Variants in BRWD1 observed in about 807,000 individuals in gnomAD.
BRWD1 encodes bromodomain and WD repeat domain containing 1, also known as bromodomain and WD repeat-containing protein 1.
BRWD1 carries 82 observed loss-of-function variants against 251.2 expected under a neutral mutation model. The observed-to-expected ratio is 0.33, with a 90% confidence interval of 0.27 to 0.39. The LOEUF (loss-of-function observed/expected upper bound fraction) is 0.39. Among genes scored for constraint, BRWD1 ranks in the 10% least tolerant of loss-of-function variants. BRWD1 has a pLI of 1.00. For missense variants in BRWD1, 2,233 were observed against 2,711.6 expected, an observed-to-expected ratio of 0.82 and a Z score of 3.92; for synonymous variants, 918 against 902.8, an observed-to-expected ratio of 1.02 and a Z score of -0.30.
intron 21 of BRWD1, among the ~76,000 whole-genome samples, chr21:39,240,557 G>A (rs965512537): frequency 3.9e-5 from 6 of 152,122 alleles, no homozygotes; most frequent in Admixed American, 6.6e-5. Flanking sequence ...ACAAAAATAC[G>A]TATACAAAAT....
upstream of BRWD1, among the ~76,000 whole-genome samples, chr21:39,316,230 A>G (rs2146833680): frequency 6.6e-6 from 1 of 152,348 alleles, no homozygotes; most frequent in African/African-American, 2.4e-5. Context: ...AGTATGTAGG[A>G]CAGTAAATCT....
intron 25 of BRWD1, 79 bp downstream of exon 25, chr21:39,232,098 G>C (rs1332042628): frequency 8.9e-7 from 1 of 1,127,192 alleles, no homozygotes; most frequent in African/African-American, 1.6e-5. Flanking sequence ...GTTTCCAACA[G>C]GTTTTTAAAT....
At chr21:39,303,515 T>A (rs2036186434) in intron 4 of BRWD1, among the ~76,000 whole-genome samples, 1 of 50,636 alleles carries the variant, frequency 2.0e-5, no homozygotes, top group Non-Finnish European at 3.5e-5. Flanking sequence ...CGAGACTCCA[T>A]CTCCAAAAAA....
Position 39,195,251 on chromosome 21 carries a change from A to C in BRWD1, c.*1008T>G. On this transcript the variant is annotated 3_prime_UTR_variant, in exon 41 of 41. Transcript: ENST00000342449. ...GACATTTAGCTATTTTCCTATATAG[A>C]TAAGATTTGCAATTGTACTCTTAAC... is the stretch of plus-strand genomic sequence containing the variant. The C allele has an allele frequency of 9.8e-7, 1 of 1,021,576 alleles. No individual in the cohort carries two copies. The highest frequency in any genetic ancestry group is 4.8e-4 in the Middle Eastern group (1 of 2,068). The allele number at this position is 1,021,576 out of a possible 1,614,324, so 63.3% of individuals were successfully genotyped here. A position where few individuals can be genotyped will look rare whatever the true frequency, so the allele number is the denominator to read the frequency against.
At chr21:39,310,073 T>TA (rs1243318874) in intron 4 of BRWD1, among the ~76,000 whole-genome samples, 1 of 152,248 alleles carries the variant, frequency 6.6e-6, no homozygotes, top group Non-Finnish European at 1.5e-5. Flanking sequence ...CATTCTCTGA[T>TA]AATCACTGAA....
chr21:39,274,529 C>T, intron 12 of BRWD1, 57 bp from the exon 13 acceptor site: 1 of 1,298,886 alleles, frequency 7.7e-7, no homozygotes, highest in Non-Finnish European at 1.1e-6. Flanking sequence ...ACAAGGGCTA[C>T]AATTAAAATC....
intron 18 of BRWD1, among the ~76,000 whole-genome samples, 182 bp from the exon 19 acceptor site, chr21:39,256,010 G>C (rs1315706824): frequency 6.6e-6 from 1 of 152,128 alleles, no homozygotes; most frequent in Non-Finnish European, 1.5e-5. Context: ...TACAGACAAG[G>C]TCTTGCTATG....
chr21:39,192,025 T>TCC lies in BRWD1; in HGVS notation c.*4232_*4233dup, dbSNP rs887899751. On this transcript the variant is annotated 3_prime_UTR_variant, in exon 41 of 41. Transcript: ENST00000342449. Reference sequence around the variant, plus strand: ...TGGTAGAATCCAAATGATGTGACTCTCCCCCTCCCTCCATCAAATCTAGAA... The same window carrying TCC: ...TGGTAGAATCCAAATGATGTGACTCTCCCCCCCTCCCTCCATCAAATCTAGAA... 56 of 984,240 alleles carry TCC rather than the reference T, an allele frequency of 5.7e-5. No individual in the cohort carries two copies. Among genetic ancestry groups the TCC allele is most frequent in the Non-Finnish European group, 3.7e-5 (31 of 828,994 alleles). 61.0% of individuals were successfully genotyped at this position (984,240 alleles called of 1,614,324 possible).
In BRWD1 at chr21:39,208,988, AAAAG is replaced by A. The variant is rs1468508602; in HGVS notation, c.4197+1003_4197+1006del. ...AAGTTTACAAAATGACAAAAAAAAA[AAAAG>A]AAAGAAAGAAACCCAACCTACTATA... is the stretch of plus-strand genomic sequence containing the variant. On this transcript the variant is annotated intron_variant, in intron 36 of 40. Transcript: ENST00000342449. Among the ~76,000 whole-genome samples the A allele has an allele frequency of 5.3e-5, 8 of 151,958 alleles. No homozygotes were observed. The South Asian group carries it at 1.0e-3, about 20-fold the overall frequency.
In BRWD1 at chr21:39,193,132, T is replaced by C. The variant is rs2031639785; in HGVS notation, c.*3127A>G. The C allele has an allele frequency of 7.1e-6, 7 of 985,146 alleles. No homozygotes were observed. The African/African-American group carries it at 1.2e-4, about 17-fold the overall frequency. The allele number at this position is 985,146 out of a possible 1,614,324, so 61.0% of individuals were successfully genotyped here. On this transcript the variant is annotated 3_prime_UTR_variant, in exon 41 of 41. Transcript: ENST00000342449. ...TTCCATTTGCCCTTCTGTTTTGAAG[T>C]GCTTTTTCTTAAAACTTAAGTTCTT...
intron 17 of BRWD1, among the ~76,000 whole-genome samples, chr21:39,262,638 C>G (rs1396167418): frequency 1.3e-5 from 2 of 151,938 alleles, no homozygotes; most frequent in Non-Finnish European, 2.9e-5. Flanking sequence ...CCACTTGAAC[C>G]CGGGTGGCGG....
At chr21:39,200,924 C>G (rs1601247871) in intron 38 of BRWD1, among the ~76,000 whole-genome samples, 1 of 147,666 alleles carries the variant, frequency 6.8e-6, no homozygotes, top group African/African-American at 2.7e-5. Flanking sequence ...GGGAAGGTAG[C>G]AGTGAGCCAA....
intron 15 of BRWD1, among the ~76,000 whole-genome samples, chr21:39,268,532 C>T (rs2034999544): frequency 1.3e-5 from 2 of 151,024 alleles, no homozygotes; most frequent in Admixed American, 6.6e-5. Context: ...CACAATATCA[C>T]TTATGTTTTA....
chr21:39,202,274 T>G, intron 38 of BRWD1, 51 bp downstream of exon 38: 1 of 1,398,548 alleles, frequency 7.2e-7, no homozygotes, highest in Non-Finnish European at 1.0e-6. Flanking sequence ...ACGGCCAGTG[T>G]TACACATTTG....
chr21:39,198,574 A>C (rs968764163), intron 40 of BRWD1, among the ~76,000 whole-genome samples, 189 bp downstream of exon 40: 4 of 152,180 alleles, frequency 2.6e-5, no homozygotes, highest in African/African-American at 9.7e-5. Context: ...ACTCAATAAA[A>C]AGTTACGCAT....
chr21:39,280,988 A>G (rs2035436949), intron 8 of BRWD1, among the ~76,000 whole-genome samples: 1 of 152,242 alleles, frequency 6.6e-6, no homozygotes, highest in African/African-American at 2.4e-5. Context: ...ACATCTAGGA[A>G]GGATTAAATA....
chr21:39,317,320 G>C (rs2036709117), upstream of BRWD1: 2 of 152,220 alleles, frequency 1.3e-5, no homozygotes, highest in Non-Finnish European at 2.9e-5. Context: ...CCACAAGAAA[G>C]CTACATGGTA....
chr21:39,274,251 T>C (rs1247905416), intron 13 of BRWD1, 123 bp downstream of exon 13: 2 of 726,472 alleles, frequency 2.8e-6, no homozygotes, highest in South Asian at 1.6e-5. Context: ...CTCTTCGTAA[T>C]AGAAGGTAGC....
Position 39,191,449 on chromosome 21 carries a change from T to A in BRWD1, c.*4810A>T. 1.0e-6 allele frequency: 1 copy of A among 983,490 alleles called. No homozygotes were observed. The highest frequency in any genetic ancestry group is 1.2e-6 in the Non-Finnish European group (1 of 828,236). 60.9% of individuals were successfully genotyped at this position (983,490 alleles called of 1,614,324 possible). Reference sequence around the variant, plus strand: ...GCTTGTTAAGATGAAAATGCTAAATTTATTATATCCCATTTAAGAACTGAC... The same window carrying A: ...GCTTGTTAAGATGAAAATGCTAAATATATTATATCCCATTTAAGAACTGAC... On this transcript the variant is annotated 3_prime_UTR_variant, in exon 41 of 41. Coordinates refer to ENST00000342449, the MANE Select transcript of BRWD1 (RefSeq NM_033656.4).
Sources: allele counts gnomAD v4.1 joint callset (sites outside exome capture counted in the v4.1 genomes callset), GRCh38; gene constraint gnomAD v4.1.1; transcripts MANE v1.5; gene names NCBI Gene and HGNC (gene_info 2026-07-23, HGNC 2026-07-21).